GPR21: variants seen among roughly 807,000 people sequenced by gnomAD.
GPR21 encodes the protein probable G protein-coupled receptor 21.
Under a neutral mutation model 21.5 loss-of-function variants are expected in GPR21, and 9 were observed. The ratio of observed to expected loss-of-function variants is 0.42; its 90% CI spans 0.25 to 0.73. The LOEUF is 0.73. GPR21 is among the 30% of genes least tolerant of loss of function. The probability of loss-of-function intolerance (pLI) is 0.27; values close to 1 mark genes in which losing one functional copy is unlikely to be tolerated. For missense variants in GPR21, 416 were observed against 428.9 expected, an observed-to-expected ratio of 0.97 and a Z score of 0.27; for synonymous variants, 169 against 159.3, an observed-to-expected ratio of 1.06 and a Z score of -0.46.
At chr9:123,036,237 A>G (rs2032653301), downstream of GPR21, among the ~76,000 whole-genome samples, 2 of 152,256 alleles carry the variant, frequency 1.3e-5, no homozygotes, top group Non-Finnish European at 2.9e-5. Context: ...TTAGAATTTT[A>G]CAGTGAACCA....
chr9:123,033,918 A>G (rs1420697464), intron 1 of GPR21, among the ~76,000 whole-genome samples, 176 bp downstream of exon 1: 1 of 152,214 alleles, frequency 6.6e-6, no homozygotes, highest in African/African-American at 2.4e-5. Flanking sequence ...CCCCCGTCTC[A>G]AATGAAAGGA....
the GPR21 span, among the ~76,000 whole-genome samples, chr9:123,047,484 T>C: frequency 8.3e-4 from 126 of 152,342 alleles, no homozygotes; most frequent in African/African-American, 2.8e-3. Flanking sequence ...TAATATACTT[T>C]GCTTGGGATT....
chr9:123,038,304 T>G (rs2132010767), downstream of GPR21, among the ~76,000 whole-genome samples: 1 of 152,298 alleles, frequency 6.6e-6, no homozygotes, highest in Non-Finnish European at 1.5e-5. Flanking sequence ...TTCAAGCCTT[T>G]TATAATGGCT....
At chr9:123,040,220 C>T (rs146360132), downstream of GPR21, among the ~76,000 whole-genome samples, 3 of 152,304 alleles carry the variant, frequency 2.0e-5, no homozygotes, top group African/African-American at 7.2e-5. Context: ...ACCAAGGCTT[C>T]CTGGTGGGCC....
the GPR21 span, among the ~76,000 whole-genome samples, chr9:123,047,186 A>T: frequency 6.6e-6 from 1 of 152,252 alleles, no homozygotes; most frequent in Non-Finnish European, 1.5e-5. Context: ...CAAACGAGTT[A>T]AGATTTTCTT....
At chr9:123,035,806 G>A, downstream of GPR21, 1 of 501,460 alleles carries the variant, frequency 2.0e-6, no homozygotes, top group South Asian at 4.3e-5. Context: ...GTTTTCAAAA[G>A]TGCTTGTGAA....
chr9:123,043,642 G>C, the GPR21 span, among the ~76,000 whole-genome samples: 1 of 151,824 alleles, frequency 6.6e-6, no homozygotes. Context: ...TGGGGGGTGA[G>C]GGGAAGGAGG....
downstream of GPR21, among the ~76,000 whole-genome samples, chr9:123,039,583 C>A (rs1467463225): frequency 3.9e-5 from 6 of 152,134 alleles, no homozygotes; most frequent in South Asian, 2.1e-4. Flanking sequence ...TAAATAATAT[C>A]TCTTTTTGGT....
At position 123,034,297 on chromosome 9, in the gene GPR21, G is replaced by T. The variant is rs2032482565; in HGVS notation, c.-270G>T. The T allele has an allele frequency of 2.0e-6, 1 of 487,820 alleles. No individual in the cohort carries two copies. Among genetic ancestry groups the T allele is most frequent in the Middle Eastern group, 5.2e-4 (1 of 1,924 alleles). 30.2% of individuals were successfully genotyped at this position (487,820 alleles called of 1,614,324 possible). On this transcript the variant is annotated 5_prime_UTR_variant, in exon 2 of 2. Transcript: ENST00000616002. ...CCCCAGAGTTTACCTTGCTCCCCTG[G>T]TGCTATGTGTATGGTGAACCTGGCA... is the stretch of plus-strand genomic sequence containing the variant.
At chr9:123,048,408 T>C in the GPR21 span, among the ~76,000 whole-genome samples, 1 of 152,366 alleles carries the variant, frequency 6.6e-6, no homozygotes, top group African/African-American at 2.4e-5. Flanking sequence ...TTTAAAAATA[T>C]AACTTGAGCA....
rs1230066529 is a variant in GPR21 at position 123,035,323 on chromosome 9, G to T, written c.757G>T (p.Val253Phe). ...QACPDKRYAM[V>F]LFRITSVFYI... ...CTGTCCTGATAAGCGCTATGCCATG[G>T]TCCTGTTTCGAATCACTAGTGTATT... Residue 253 changes from valine to phenylalanine, a missense_variant, in exon 2 of 2, where the codon GTC becomes TTC. Transcript: ENST00000616002. The T allele has an allele frequency of 6.2e-7, 1 of 1,614,132 alleles. No individual in the cohort carries two copies. The highest frequency in any genetic ancestry group is 1.7e-5 in the Admixed American group (1 of 60,012).
chr9:123,046,571 T>C, the GPR21 span, among the ~76,000 whole-genome samples: 1 of 152,212 alleles, frequency 6.6e-6, no homozygotes, highest in African/African-American at 2.4e-5. Context: ...TCTTAACTAA[T>C]GACACTGTCT....
chr9:123,041,773 C>G, the GPR21 span, among the ~76,000 whole-genome samples: 1 of 152,252 alleles, frequency 6.6e-6, no homozygotes, highest in East Asian at 1.9e-4. Context: ...CCTGATTTGT[C>G]TATTGACCAC....
chr9:123,046,866 C>A, the GPR21 span, among the ~76,000 whole-genome samples: 37,124 of 151,998 alleles, frequency 0.24, 6,495 homozygotes, highest in East Asian at 0.65. Context: ...AATATAGAAT[C>A]CTTAAGTGAC....
chr9:123,045,855 T>C, the GPR21 span, among the ~76,000 whole-genome samples: 1 of 152,202 alleles, frequency 6.6e-6, no homozygotes, highest in Non-Finnish European at 1.5e-5. Flanking sequence ...TTGTGAAAAT[T>C]AGGTACTATC....
the GPR21 span, among the ~76,000 whole-genome samples, chr9:123,043,266 C>T: frequency 6.6e-6 from 1 of 152,068 alleles, no homozygotes; most frequent in Non-Finnish European, 1.5e-5. Flanking sequence ...AAACAATTCC[C>T]ACAGGAAGGA....
chr9:123,044,308 C>A, the GPR21 span, among the ~76,000 whole-genome samples: 1 of 152,184 alleles, frequency 6.6e-6, no homozygotes, highest in Admixed American at 6.5e-5. Flanking sequence ...TAGAACATTA[C>A]TGAAATAGTA....
chr9:123,044,875 G>C, the GPR21 span, among the ~76,000 whole-genome samples: 1 of 151,998 alleles, frequency 6.6e-6, no homozygotes. Flanking sequence ...CCCCCTCCTT[G>C]AATGAGATTT....
chr9:123,039,820 A>T (rs1005502430), downstream of GPR21, among the ~76,000 whole-genome samples: 17 of 152,178 alleles, frequency 1.1e-4, no homozygotes, highest in African/African-American at 3.9e-4. Flanking sequence ...GAAAGCCTTG[A>T]TGAAAGAAAC....
Sources: gnomAD v4.1 joint callset for allele counts (sites outside exome capture counted in the v4.1 genomes callset) on GRCh38, gnomAD v4.1.1 for gene constraint, MANE v1.5 for transcripts, NCBI Gene and HGNC (gene_info 2026-07-23, HGNC 2026-07-21) for gene names.